Variants in LTBP4 observed in about 807,000 individuals in gnomAD.
The protein encoded by LTBP4 is latent transforming growth factor beta binding protein 4, also known as latent-transforming growth factor beta-binding protein 4.
Under a neutral mutation model 180.2 loss-of-function variants are expected in LTBP4, and 93 were observed. The observed-to-expected ratio is 0.52, with a 90% confidence interval of 0.44 to 0.61. LTBP4 has a LOEUF of 0.61. Ranked by LOEUF, LTBP4 falls within the 20% of genes least tolerant of loss-of-function variation. The probability of loss-of-function intolerance (pLI) is 0.00; values close to 1 mark genes in which losing one functional copy is unlikely to be tolerated. For synonymous variants in LTBP4, 947 were observed against 934.5 expected (o/e 1.01, Z -0.24); for missense variants, 2,116 against 2,256.5 (o/e 0.94, Z 1.26).
At position 40,623,936 on chromosome 19, in the gene LTBP4, A is replaced by G; in HGVS notation, c.3686A>G (p.Asp1229Gly). The G allele has an allele frequency of 6.2e-7, 1 of 1,613,962 alleles. No homozygotes were observed. The highest frequency in any genetic ancestry group is 8.5e-7 in the Non-Finnish European group (1 of 1,179,848). The change falls in exon 26 of 30, where the codon GAC becomes GGC. Residue 1229 changes from aspartate to glycine, a missense_variant and splice_region_variant. This residue lies in a region of LTBP4 where 278 missense variants were observed against 373.0 expected (regional missense o/e 0.75). Transcript: ENST00000396819. ...YYHTQRLECI[D>G]NDECADEEPA... ...TGCCTCTTAATCATCCTCTCCCTAG[A>G]CAATGACGAGTGCGCCGATGAGGAA...
Position 40,611,366 on chromosome 19 carries a change from C to G in LTBP4, c.2025C>G (p.Arg675=), listed in dbSNP as rs765668365. The change falls in exon 13 of 30, where the codon CGC becomes CGG. Residue 675 remains arginine (R), a synonymous_variant. Transcript: ENST00000396819. The surrounding 1 kb of genome is among the most constrained non-coding windows in gnomAD (Gnocchi z 4.4). ...SFHCACPAGF[R]SRGPGAPCQD... ...ACTGTGCCTGCCCTGCTGGCTTCCGCTCCCGAGGGCCCGGGGCCCCCTGCC... is the reference window on the plus strand; with the variant it reads ...ACTGTGCCTGCCCTGCTGGCTTCCGGTCCCGAGGGCCCGGGGCCCCCTGCC... 1.1e-5 allele frequency: 18 copies of G among 1,607,980 alleles called. No homozygotes were observed. In the South Asian group the frequency reaches 2.0e-4, roughly 18 times the overall value.
intron 22 of LTBP4, among the ~76,000 whole-genome samples, chr19:40,619,839 A>G (rs1219822420): frequency 6.6e-6 from 1 of 152,234 alleles, no homozygotes; most frequent in Non-Finnish European, 1.5e-5. Context: ...GATAGTGACA[A>G]CCCAGAGAAA....
In LTBP4 at chr19:40,623,503, T is replaced by C; in HGVS notation, c.3557-101T>C. ...CCATCTTTCTTTCCCTGTCTCTACT[T>C]CTTGGTCTATCACCAGCTCTGTCTC... On this transcript the variant is annotated intron_variant, in intron 24 of 29. Transcript: ENST00000396819. 6.4e-6 allele frequency: 9 copies of C among 1,408,952 alleles called. No homozygotes were observed. The South Asian group carries it at 1.2e-4, about 19-fold the overall frequency. The allele number at this position is 1,408,952 out of a possible 1,614,324, so 87.3% of individuals were successfully genotyped here. A position where few individuals can be genotyped will look rare whatever the true frequency, so the allele number is the denominator to read the frequency against.
chr19:40,623,809 C>T (rs1046179704), intron 25 of LTBP4, 77 bp downstream of exon 25: 16 of 1,598,652 alleles, frequency 1.0e-5, no homozygotes, highest in Admixed American at 3.3e-5. Context: ...TGGAATGTGG[C>T]CACCACCAGC....
chr19:40,625,032 A>G (rs12610819), intron 26 of LTBP4, among the ~76,000 whole-genome samples: 70,894 of 149,400 alleles, frequency 0.47, 18,107 homozygotes, highest in African/African-American at 0.66. Flanking sequence ...CTAGGCCCCT[A>G]ACAACTTCTG....
upstream of LTBP4, chr19:40,599,345 T>C (rs2146012305): frequency 2.5e-6 from 4 of 1,610,360 alleles, no homozygotes; most frequent in East Asian, 4.5e-5. Flanking sequence ...CTCATCCCAG[T>C]GGGAGAGCTG....
intron 11 of LTBP4, 109 bp from the exon 12 acceptor site, chr19:40,610,423 C>A: frequency 7.4e-7 from 1 of 1,349,802 alleles, no homozygotes; most frequent in Non-Finnish European, 1.0e-6. Context: ...CCCATCCTGG[C>A]TCTGGCCCAA....
chr19:40,627,646 T>C (rs1046865827), intron 28 of LTBP4, 59 bp from the exon 29 acceptor site: 2 of 1,533,462 alleles, frequency 1.3e-6, no homozygotes, highest in African/African-American at 1.4e-5. Flanking sequence ...GCACCCACCG[T>C]TGTGGGTAAG....
At chr19:40,603,708 C>T (rs2081439071) in intron 1 of LTBP4, among the ~76,000 whole-genome samples, 1 of 152,238 alleles carries the variant, frequency 6.6e-6, no homozygotes. Context: ...GAATCCCACA[C>T]GCGCCTCCCC....
upstream of LTBP4, among the ~76,000 whole-genome samples, chr19:40,600,428 C>T (rs2081415875): frequency 6.6e-6 from 1 of 152,214 alleles, no homozygotes; most frequent in South Asian, 2.1e-4. This position sits in a 1 kb window ranked among gnomAD's most constrained non-coding sequence, Gnocchi z 4.4. Flanking sequence ...GGGCTCCCCG[C>T]GGCCGAAGAG....
chr19:40,613,651 A>AG lies in LTBP4; in HGVS notation c.2557+127dup. The stretch of plus-strand genomic sequence containing the variant: ...TTAGCCGGGGTATTCCAGCAGGATC[A>AG]GGGGGCAGCTGGTGGGAGTCTCGAG... On this transcript the variant is annotated intron_variant, in intron 17 of 29. Coordinates refer to ENST00000396819, the MANE Select transcript of LTBP4 (RefSeq NM_001042545.2). The surrounding 1 kb of genome is among the most constrained non-coding windows in gnomAD (Gnocchi z 5.0). The AG allele has an allele frequency of 1.0e-5, 15 of 1,437,590 alleles. No individual in the cohort carries two copies. Among genetic ancestry groups the AG allele is most frequent in the Non-Finnish European group, 1.4e-5 (15 of 1,060,722 alleles). The allele number at this position is 1,437,590 out of a possible 1,614,324, so 89.1% of individuals were successfully genotyped here. A position where few individuals can be genotyped will look rare whatever the true frequency, so the allele number is the denominator to read the frequency against.
At chr19:40,626,342 C>T (rs1035750368) in intron 27 of LTBP4, among the ~76,000 whole-genome samples, 1 of 152,068 alleles carries the variant, frequency 6.6e-6, no homozygotes, top group Non-Finnish European at 1.5e-5. Context: ...ATCCTGGGCC[C>T]TTAGACCTGA....
chr19:40,619,207 C>T, intron 21 of LTBP4, 140 bp from the exon 22 acceptor site: 1 of 821,016 alleles, frequency 1.2e-6, no homozygotes, highest in Non-Finnish European at 1.9e-6. Context: ...TTCAAGGTTT[C>T]TCACTAGAAG....
Position 40,613,763 on chromosome 19 carries a change from C to CG in LTBP4, c.2558-147dup, listed in dbSNP as rs1723657922. ...TGTAAAGAAGCTGTTCTAAACCCGTCGGGGGGCGGTGTTTGCAGGGAGGGA... is the reference window on the plus strand; with the variant it reads ...TGTAAAGAAGCTGTTCTAAACCCGTCGGGGGGGCGGTGTTTGCAGGGAGGGA... On this transcript the variant is annotated intron_variant, in intron 17 of 29. Transcript: ENST00000396819. The surrounding 1 kb of genome is among the most constrained non-coding windows in gnomAD (Gnocchi z 5.0). 6.9e-6 allele frequency: 9 copies of CG among 1,308,030 alleles called. No individual in the cohort carries two copies. In the South Asian group the frequency reaches 7.6e-5, roughly 11 times the overall value. 81.0% of individuals were successfully genotyped at this position (1,308,030 alleles called of 1,614,324 possible). A position where few individuals can be genotyped will look rare whatever the true frequency, so the allele number is the denominator to read the frequency against.
At position 40,614,332 on chromosome 19, in the gene LTBP4, G is replaced by A; in HGVS notation, c.2698G>A (p.Glu900Lys). 6.3e-7 allele frequency: 1 copy of A among 1,599,354 alleles called. No homozygotes were observed. Among genetic ancestry groups the A allele is most frequent in the Non-Finnish European group, 8.5e-7 (1 of 1,179,358 alleles). ...CTCCTCAGACGTGGACGAATGTCGCGAGCGAGGCCCAGCCCTGTGCGGGTC... is the reference window on the plus strand; with the variant it reads ...CTCCTCAGACGTGGACGAATGTCGCAAGCGAGGCCCAGCCCTGTGCGGGTC... ...ASCLDVDECR[E>K]RGPALCGSQR... Residue 900 changes from glutamate to lysine, a missense_variant, in exon 19 of 30, where the codon GAG becomes AAG. This residue lies in a region of LTBP4 where 877 missense variants were observed against 873.6 expected (regional missense o/e 1.00). Transcript: ENST00000396819.
In LTBP4 at chr19:40,613,309, C is replaced by G; in HGVS notation, c.2432-95C>G. 6.5e-7 allele frequency: 1 copy of G among 1,548,954 alleles called. No homozygotes were observed. Among genetic ancestry groups the G allele is most frequent in the South Asian group, 1.2e-5 (1 of 84,256 alleles). Reference sequence around the variant, plus strand: ...AGGCGCTGTGGGAGGAGCTTAGAAACCTGGCATTGGTGGGGGCGGGGTTAC... The same window carrying G: ...AGGCGCTGTGGGAGGAGCTTAGAAAGCTGGCATTGGTGGGGGCGGGGTTAC... On this transcript the variant is annotated intron_variant, in intron 16 of 29. Coordinates refer to ENST00000396819, the MANE Select transcript of LTBP4 (RefSeq NM_001042545.2). The surrounding 1 kb of genome is among the most constrained non-coding windows in gnomAD (Gnocchi z 5.0).
chr19:40,608,537 C>G lies in LTBP4; in HGVS notation c.1360C>G (p.Arg454Gly). The change falls in exon 9 of 30, where the codon CGG becomes GGG. Residue 454 changes from arginine (R) to glycine (G), a missense_variant. Coordinates refer to ENST00000396819, the MANE Select transcript of LTBP4 (RefSeq NM_001042545.2). ...CCGGCCTGAACCCCGGCCCGATCCC[C>G]GGCCCGGCCCTGAGCTTCCCTTGCC... ...EPRPEPRPDP[R>G]PGPELPLPSI... The G allele has an allele frequency of 3.1e-6, 5 of 1,606,358 alleles. No homozygotes were observed. The highest frequency in any genetic ancestry group is 4.2e-6 in the Non-Finnish European group (5 of 1,176,856).
upstream of LTBP4, among the ~76,000 whole-genome samples, chr19:40,598,176 C>A (rs1000931842): frequency 6.6e-6 from 1 of 151,884 alleles, no homozygotes; most frequent in East Asian, 1.9e-4. Flanking sequence ...GCTCCTCTCC[C>A]GCCTGGGTCT....
upstream of LTBP4, among the ~76,000 whole-genome samples, chr19:40,598,894 G>A (rs1203233711): frequency 1.3e-5 from 2 of 152,084 alleles, no homozygotes; most frequent in Non-Finnish European, 2.9e-5. Context: ...TTTTGTTTTT[G>A]TTTTTGTTTT....
Sources: gnomAD v4.1 joint callset for allele counts (sites outside exome capture counted in the v4.1 genomes callset) on GRCh38, gnomAD v4.1.1 for gene constraint, gnomAD v4.1.1 regional missense constraint, Gnocchi (gnomAD v3.1) non-coding constraint, MANE v1.5 for transcripts, NCBI Gene and HGNC (gene_info 2026-07-23, HGNC 2026-07-21) for gene names.